Variants in GCA observed in about 807,000 individuals in gnomAD.
GCA encodes grancalcin, also known as grancalcin, EF-hand calcium-binding protein.
In GCA, 30 loss-of-function variants were observed where a neutral mutation model predicts 32.6. That is an observed-to-expected ratio of 0.92 (90% CI 0.69 to 1.25). The LOEUF (loss-of-function observed/expected upper bound fraction) is 1.25, where lower values mean the gene tolerates loss of function less well. Ranked by LOEUF, GCA falls within the 50% of genes most tolerant of loss-of-function variation. The pLI is 0.00. For missense variants in GCA, 291 were observed against 266.8 expected (o/e 1.09, Z -0.63); for synonymous variants, 102 against 84.6 (o/e 1.21, Z -1.13).
downstream of GCA, chr2:162,371,768 A>T: frequency 6.8e-7 from 1 of 1,470,126 alleles, no homozygotes; most frequent in East Asian, 2.3e-5. Flanking sequence ...ATTTAAATAG[A>T]AAAAGGAAAA....
chr2:162,328,910 C>G (rs1042760718), intron 1 of GCA, among the ~76,000 whole-genome samples: 2 of 152,156 alleles, frequency 1.3e-5, no homozygotes, highest in African/African-American at 4.8e-5. Flanking sequence ...AGTTGGGCCT[C>G]TCAGTGGCCT....
At chr2:162,336,062 A>C (rs759488125) in intron 1 of GCA, among the ~76,000 whole-genome samples, 3 of 152,242 alleles carry the variant, frequency 2.0e-5, no homozygotes, top group Non-Finnish European at 2.9e-5. Context: ...TGTTTCCTAC[A>C]TATTAATGAG....
At chr2:162,351,534 A>C (rs956918366) in intron 2 of GCA, among the ~76,000 whole-genome samples, 2 of 152,182 alleles carry the variant, frequency 1.3e-5, no homozygotes, top group Non-Finnish European at 2.9e-5. Flanking sequence ...TCTTTTGCCA[A>C]AAATCCATTA....
rs149353703 is a variant in GCA, at chr2:162,319,732, C to T, written c.-31+507C>T. Among the ~76,000 whole-genome samples the T allele has an allele frequency of 1.3e-3, 202 of 152,298 alleles. 1 individual carries two copies. Among genetic ancestry groups the T allele is most frequent in the Non-Finnish European group, 2.0e-3 (139 of 68,030 alleles). ...TGTGACTGTGGGTGGTAGGCACATACGCACCATAACTAGAATCTCATGGTC... is the reference window on the plus strand; with the variant it reads ...TGTGACTGTGGGTGGTAGGCACATATGCACCATAACTAGAATCTCATGGTC... On this transcript the variant is annotated intron_variant, in intron 1 of 4. Coordinates refer to the GCA transcript ENST00000429691.
chr2:162,318,959 G>C (rs1268702392), upstream of GCA: 1 of 321,768 alleles, frequency 3.1e-6, no homozygotes, highest in Non-Finnish European at 6.3e-6. Context: ...AAAATGTGCA[G>C]GGCATAAAAG....
downstream of GCA, chr2:162,373,492 C>A: frequency 1.3e-6 from 2 of 1,551,490 alleles, no homozygotes; most frequent in Non-Finnish European, 1.7e-6. Context: ...GCTGAAACTT[C>A]GGTCAGTTTT....
intron 1 of GCA, among the ~76,000 whole-genome samples, chr2:162,336,975 T>A (rs188735285): frequency 6.6e-6 from 1 of 152,336 alleles, no homozygotes; most frequent in East Asian, 1.9e-4. Flanking sequence ...TTTCATGGGT[T>A]GAAACGCTAA....
At chr2:162,320,896 A>G (rs1422250614) in intron 1 of GCA, among the ~76,000 whole-genome samples, 2 of 152,232 alleles carry the variant, frequency 1.3e-5, no homozygotes, top group Non-Finnish European at 2.9e-5. Flanking sequence ...ATAATAATGT[A>G]TATTACAGTT....
intron 1 of GCA, among the ~76,000 whole-genome samples, chr2:162,338,284 T>C (rs1404759701): frequency 6.6e-6 from 1 of 152,192 alleles, no homozygotes; most frequent in Non-Finnish European, 1.5e-5. Context: ...TGAGGATTAA[T>C]GTGGAAATGA....
intron 3 of GCA, among the ~76,000 whole-genome samples, chr2:162,355,090 G>A (rs1685201599): frequency 6.6e-6 from 1 of 152,154 alleles, no homozygotes. Context: ...TACCATTCCA[G>A]AAATTTCTCA....
In GCA at chr2:162,359,565, C is replaced by T; in HGVS notation, c.627+13C>T. ...CATATATGACGATGTGAGTATCCTG[C>T]TTTTGATATTTATACTGCATTCTAG... On this transcript the variant is annotated intron_variant, in intron 7 of 7. Coordinates refer to ENST00000437150, the MANE Select transcript of GCA (RefSeq NM_012198.5). 1 of 1,440,702 alleles carries T rather than the reference C, an allele frequency of 6.9e-7. No individual in the cohort carries two copies. Among genetic ancestry groups the T allele is most frequent in the Middle Eastern group, 1.8e-4 (1 of 5,616 alleles). The allele number at this position is 1,440,702 out of a possible 1,614,324, so 89.2% of individuals were successfully genotyped here. A position where few individuals can be genotyped will look rare whatever the true frequency, so the allele number is the denominator to read the frequency against.
chr2:162,320,927 T>C (rs949036195), intron 1 of GCA, among the ~76,000 whole-genome samples: 11 of 152,212 alleles, frequency 7.2e-5, no homozygotes, highest in African/African-American at 2.4e-4. Flanking sequence ...ATTTCCCAAA[T>C]AGTCATCCTC....
At chr2:162,372,591 T>C (rs548051092), downstream of GCA, among the ~76,000 whole-genome samples, 370 of 152,152 alleles carry the variant, frequency 2.4e-3, 3 homozygotes, top group South Asian at 7.3e-3. Flanking sequence ...AATTAATTTC[T>C]ACTTTCAGAT....
rs1000022905 is a variant in GCA, at chr2:162,361,477, A to T, written c.*1234A>T. The T allele has an allele frequency of 2.1e-6, 2 of 975,516 alleles. No individual in the cohort carries two copies. Among genetic ancestry groups the T allele is most frequent in the Non-Finnish European group, 2.4e-6 (2 of 821,248 alleles). The allele number at this position is 975,516 out of a possible 1,614,324, so 60.4% of individuals were successfully genotyped here. A position where few individuals can be genotyped will look rare whatever the true frequency, so the allele number is the denominator to read the frequency against. ...GAGTGACATAATTTTATGACTGCTG[A>T]CCAAATTAATTTATAGATTTTATAA... On this transcript the variant is annotated 3_prime_UTR_variant, in exon 8 of 8. Transcript: ENST00000437150.
chr2:162,336,941 T>G (rs982898301), intron 1 of GCA, among the ~76,000 whole-genome samples: 2 of 152,206 alleles, frequency 1.3e-5, no homozygotes, highest in African/African-American at 4.8e-5. Context: ...TTTATCTGGA[T>G]TTTTGGTTTA....
In GCA at chr2:162,361,837, C is replaced by G. The variant is rs894268877; in HGVS notation, c.*1594C>G. On this transcript the variant is annotated 3_prime_UTR_variant, in exon 8 of 8. Transcript: ENST00000437150. ...GTAGGAAAAAGCAAATGTGAAAACA[C>G]TAAGTGTCGTTCACATCGAATGGTG... 1 of 982,584 alleles carries G rather than the reference C, an allele frequency of 1.0e-6. No homozygotes were observed. Among genetic ancestry groups the G allele is most frequent in the African/African-American group, 1.8e-5 (1 of 57,114 alleles). The allele number at this position is 982,584 out of a possible 1,614,324, so 60.9% of individuals were successfully genotyped here.
chr2:162,340,485 G>T (rs1684406522), upstream of GCA, among the ~76,000 whole-genome samples: 1 of 152,146 alleles, frequency 6.6e-6, no homozygotes, highest in African/African-American at 2.4e-5. Flanking sequence ...ATCATCTCTA[G>T]ATTACCAACA....
At chr2:162,327,415 G>A (rs1182046778) in intron 1 of GCA, among the ~76,000 whole-genome samples, 2 of 152,146 alleles carry the variant, frequency 1.3e-5, no homozygotes, top group African/African-American at 2.4e-5. Context: ...GGGCAAAAAA[G>A]GGGGGATGCT....
intron 2 of GCA, among the ~76,000 whole-genome samples, chr2:162,349,532 A>G (rs1329791286): frequency 2.6e-5 from 4 of 151,824 alleles, no homozygotes; most frequent in African/African-American, 7.2e-5. Context: ...TTTTTTCTTG[A>G]TATGTTTCAT....
Sources: allele counts gnomAD v4.1 joint callset (sites outside exome capture counted in the v4.1 genomes callset), GRCh38; gene constraint gnomAD v4.1.1; transcripts MANE v1.5; gene names NCBI Gene and HGNC (gene_info 2026-07-23, HGNC 2026-07-21).